Variants in GYG1 observed in about 807,000 individuals in gnomAD.
GYG1 encodes glycogenin-1.
A neutral mutation model predicts 41.9 loss-of-function variants in GYG1; 44 were observed. The observed-to-expected ratio is 1.05, with a 90% CI of 0.83 to 1.35. The LOEUF (loss-of-function observed/expected upper bound fraction) is 1.35, where lower values mean the gene tolerates loss of function less well. GYG1 is among the 40% of genes most tolerant of loss of function. The pLI is 0.00. For missense variants in GYG1, 429 were observed against 418.9 expected, an observed-to-expected ratio of 1.02 and a Z score of -0.21; for synonymous variants, 141 against 158.1, an observed-to-expected ratio of 0.89 and a Z score of 0.81.
chr3:149,024,410 T>C, intron 6 of GYG1, 138 bp downstream of exon 6: 1 of 680,424 alleles, frequency 1.5e-6, no homozygotes, highest in East Asian at 2.7e-5. Flanking sequence ...ACAATAACCA[T>C]CTTAGGAGAA....
intron 4 of GYG1, among the ~76,000 whole-genome samples, chr3:149,007,804 G>A (rs987841833): frequency 5.9e-5 from 9 of 152,048 alleles, no homozygotes; most frequent in South Asian, 4.2e-4. Context: ...ATACACACTC[G>A]CACATATGCA....
intron 5 of GYG1, among the ~76,000 whole-genome samples, chr3:149,013,519 T>C (rs1713855747): frequency 6.6e-6 from 1 of 152,236 alleles, no homozygotes; most frequent in African/African-American, 2.4e-5. Flanking sequence ...CACCCAATAC[T>C]TTCCATATAA....
Position 148,996,404 on chromosome 3 carries a change from C to T in GYG1, c.246C>T (p.Val82=). ...TAATGAAGAGGCCAGAGTTGGGTGT[C>T]ACGCTGACAAAGCTCCACTGCTGGT... The part of the protein sequence containing the change: ...LTLMKRPELG[V]TLTKLHCWSL... The change falls in exon 3 of 8, where the codon GTC becomes GTT. Residue 82 remains valine (V), a synonymous_variant. Transcript: ENST00000345003. 1.9e-6 allele frequency: 3 copies of T among 1,613,562 alleles called. No individual in the cohort carries two copies. Among genetic ancestry groups the T allele is most frequent in the Non-Finnish European group, 2.5e-6 (3 of 1,179,736 alleles).
chr3:149,009,511 C>A, intron 5 of GYG1, 109 bp downstream of exon 5: 1 of 1,104,320 alleles, frequency 9.1e-7, no homozygotes, highest in Non-Finnish European at 1.4e-6. Flanking sequence ...CAGATAGACA[C>A]TTTGAGGAAA....
At position 148,991,563 on chromosome 3, in the gene GYG1, C is replaced by T; in HGVS notation, c.-78C>T. On this transcript the variant is annotated 5_prime_UTR_variant, in exon 1 of 8. Coordinates refer to ENST00000345003, the MANE Select transcript of GYG1 (RefSeq NM_004130.4). ...GTTCCCCGCCGTGCCTCCTCGCTGGCCGCGCTCCCTCCCGGTGCCGGCTTC... is the reference window on the plus strand; with the variant it reads ...GTTCCCCGCCGTGCCTCCTCGCTGGTCGCGCTCCCTCCCGGTGCCGGCTTC... 12 of 1,528,004 alleles carry T rather than the reference C, an allele frequency of 7.9e-6. No homozygotes were observed. Among genetic ancestry groups the T allele is most frequent in the Non-Finnish European group, 1.1e-5 (12 of 1,142,576 alleles). The allele number at this position is 1,528,004 out of a possible 1,614,324, so 94.7% of individuals were successfully genotyped here. A position where few individuals can be genotyped will look rare whatever the true frequency, so the allele number is the denominator to read the frequency against.
rs1055129499 is a variant in GYG1, at chr3:148,991,599, C to A, written c.-42C>A. 3.9e-6 allele frequency: 6 copies of A among 1,553,362 alleles called. No homozygotes were observed. The highest frequency in any genetic ancestry group is 5.2e-6 in the Non-Finnish European group (6 of 1,158,098). Reference sequence around the variant, plus strand: ...CCCGGTGCCGGCTTCTCTGAGTCACCAACCTGAGGCTGCCCCGGCCGCCTG... The same window carrying A: ...CCCGGTGCCGGCTTCTCTGAGTCACAAACCTGAGGCTGCCCCGGCCGCCTG... On this transcript the variant is annotated 5_prime_UTR_variant, in exon 1 of 8. Transcript: ENST00000345003.
chr3:148,995,289 A>G (rs1445402078), intron 2 of GYG1, among the ~76,000 whole-genome samples: 1 of 152,216 alleles, frequency 6.6e-6, no homozygotes, highest in African/African-American at 2.4e-5. Context: ...ATATCCGGGC[A>G]CACTAGTAAC....
intron 5 of GYG1, among the ~76,000 whole-genome samples, chr3:149,012,499 G>C (rs1021663679): frequency 6.6e-6 from 1 of 152,162 alleles, no homozygotes; most frequent in African/African-American, 2.4e-5. Context: ...TAGAGTTTTG[G>C]ATATCTAGAA....
In GYG1 at chr3:149,022,498, CTTTT is replaced by C. The variant is rs71617495; in HGVS notation, c.609-1540_609-1537del. ...AACAGTACCTTTTTTCTTGTTTTGC[CTTTT>C]TTTTTTTTTTTTTTGAGATGGAGTC... On this transcript the variant is annotated intron_variant, in intron 5 of 7. Coordinates refer to ENST00000345003, the MANE Select transcript of GYG1 (RefSeq NM_004130.4). 4.3e-5 allele frequency among the ~76,000 whole-genome samples: 3 copies of C among 69,588 alleles called. 1 individual carries two copies. Among genetic ancestry groups the C allele is most frequent in the Admixed American group, 2.3e-4 (1 of 4,404 alleles). 45.7% of individuals were successfully genotyped at this position (69,588 alleles called of 152,430 possible).
At chr3:148,999,819 C>A (rs1712994651) in intron 4 of GYG1, among the ~76,000 whole-genome samples, 1 of 152,036 alleles carries the variant, frequency 6.6e-6, no homozygotes, top group African/African-American at 2.4e-5. Context: ...TCACAGTTAC[C>A]CACATTTTCT....
chr3:149,028,868 GCAC>G lies in GYG1; in HGVS notation c.*1942_*1944del, dbSNP rs1031517279. ...CCTGAGTAGCTGGGACTACAGGCAC[GCAC>G]CACCACGCCCAGCTAAATTTTGTAT... On this transcript the variant is annotated 3_prime_UTR_variant, in exon 8 of 8. Transcript: ENST00000345003. 6.6e-6 allele frequency among the ~76,000 whole-genome samples: 1 copy of G among 151,790 alleles called. No individual in the cohort carries two copies. Among genetic ancestry groups the G allele is most frequent in the African/African-American group, 2.4e-5 (1 of 41,316 alleles).
In GYG1 at chr3:149,004,985, C is replaced by T. The variant is rs16861264; in HGVS notation, c.482-4291C>T. On this transcript the variant is annotated intron_variant, in intron 4 of 7. Transcript: ENST00000345003. The stretch of plus-strand genomic sequence containing the variant: ...TCCTGTTTCCCAGGCTCATGCAGGT[C>T]GGATTTGGAAGTTCTACTTTACAAC... 6.2e-3 allele frequency among the ~76,000 whole-genome samples: 951 copies of T among 152,180 alleles called. 12 individuals are homozygous for T. Among genetic ancestry groups the T allele is most frequent in the African/African-American group, 0.021 (875 of 41,508 alleles).
intron 5 of GYG1, among the ~76,000 whole-genome samples, chr3:149,011,307 T>A (rs16861283): frequency 0.017 from 2,540 of 152,334 alleles, 71 homozygotes; most frequent in African/African-American, 0.058. Context: ...CTGAATAGTG[T>A]TCTTGCAAAC....
intron 2 of GYG1, among the ~76,000 whole-genome samples, chr3:148,996,040 C>G (rs1394759175): frequency 6.6e-6 from 1 of 152,178 alleles, no homozygotes; most frequent in Non-Finnish European, 1.5e-5. Flanking sequence ...CAGAAAATGT[C>G]TTCTATAATA....
At chr3:149,018,791 G>A (rs747835692) in intron 5 of GYG1, among the ~76,000 whole-genome samples, 14 of 152,086 alleles carry the variant, frequency 9.2e-5, no homozygotes, top group African/African-American at 1.4e-4. Flanking sequence ...GGCCGGGCCC[G>A]TAATGTCAGG....
In GYG1 at chr3:149,003,918, A is replaced by G. The variant is rs556682229; in HGVS notation, c.482-5358A>G. 4.6e-5 allele frequency: 7 copies of G among 152,326 alleles called. No homozygotes were observed. The East Asian group carries it at 1.2e-3, about 25-fold the overall frequency. The allele number at this position is 152,326 out of a possible 1,614,324, so 9.4% of individuals were successfully genotyped here. On this transcript the variant is annotated intron_variant, in intron 4 of 7. Coordinates refer to ENST00000345003, the MANE Select transcript of GYG1 (RefSeq NM_004130.4). ...AAGCATTGAACAAATGCACAGATTTAAAAAGACACCACTTAACTCTTGTTT... is the reference window on the plus strand; with the variant it reads ...AAGCATTGAACAAATGCACAGATTTGAAAAGACACCACTTAACTCTTGTTT...
chr3:148,995,048 T>A (rs1256168109), intron 2 of GYG1, among the ~76,000 whole-genome samples: 1 of 152,040 alleles, frequency 6.6e-6, no homozygotes, highest in Non-Finnish European at 1.5e-5. Flanking sequence ...CTACTAAAAA[T>A]ACAAAAATTA....
rs1295141356 is a variant in GYG1 at position 149,028,064 on chromosome 3, G to A, written c.*1131G>A. 2.6e-5 allele frequency among the ~76,000 whole-genome samples: 4 copies of A among 152,156 alleles called. No individual in the cohort carries two copies. Among genetic ancestry groups the A allele is most frequent in the Admixed American group, 1.3e-4 (2 of 15,278 alleles). On this transcript the variant is annotated 3_prime_UTR_variant, in exon 8 of 8. Transcript: ENST00000345003. ...GTAAGAGATGGCAAGCTAAAGAAGG[G>A]TAGGATCCAAGATGACCTTTTAAAA...
chr3:148,997,021 C>A, intron 4 of GYG1, 117 bp downstream of exon 4: 1 of 796,850 alleles, frequency 1.3e-6, no homozygotes, highest in Non-Finnish European at 2.2e-6. Context: ...AGAGATGGAG[C>A]AAGCATTTTA....
Sources: allele counts gnomAD v4.1 joint callset (sites outside exome capture counted in the v4.1 genomes callset), GRCh38; gene constraint gnomAD v4.1.1; transcripts MANE v1.5; gene names NCBI Gene and HGNC (gene_info 2026-07-23, HGNC 2026-07-21).